The following NRXN3 variants were observed in gnomAD, a reference collection of about 807,000 sequenced individuals.
NRXN3 encodes the protein neurexin 3, also known as neurexin III.
NRXN3 carries 32 observed loss-of-function variants against 137.6 expected under a neutral mutation model. The observed-to-expected ratio is 0.23, with a 90% CI of 0.18 to 0.31. The LOEUF is 0.31. Ranked by LOEUF, NRXN3 falls within the 10% of genes least tolerant of loss-of-function variation. The pLI, the probability that NRXN3 is intolerant of heterozygous loss-of-function variation, is 1.00. For synonymous variants in NRXN3, 798 were observed against 784.5 expected (o/e 1.02, Z -0.29); for missense variants, 1,574 against 2,062.5 (o/e 0.76, Z 4.59).
intron 19 of NRXN3, among the ~76,000 whole-genome samples, chr14:79,800,208 A>T (rs753603895): frequency 6.6e-6 from 1 of 152,360 alleles, no homozygotes; most frequent in South Asian, 2.1e-4. Flanking sequence ...TGAAGATGAC[A>T]TTGAACGCAA....
At chr14:79,815,769 T>G (rs997813985) in intron 20 of NRXN3, among the ~76,000 whole-genome samples, 1 of 152,190 alleles carries the variant, frequency 6.6e-6, no homozygotes, top group Non-Finnish European at 1.5e-5. Context: ...ATGACAGCCC[T>G]AAACTCAGAA....
intron 15 of NRXN3, among the ~76,000 whole-genome samples, chr14:79,364,844 C>T (rs1256003424): frequency 6.6e-6 from 1 of 152,058 alleles, no homozygotes; most frequent in African/African-American, 2.4e-5. Context: ...ATGCAACTTG[C>T]TTAGGTTAAT....
chr14:78,808,952 T>A (rs1369144249), intron 9 of NRXN3, among the ~76,000 whole-genome samples: 1 of 151,420 alleles, frequency 6.6e-6, no homozygotes, highest in Non-Finnish European at 1.5e-5. Context: ...TCTTTCTTCC[T>A]TTAAAAAAAA....
intron 1 of NRXN3, among the ~76,000 whole-genome samples, chr14:78,175,849 A>G (rs1003888778): frequency 9.9e-5 from 15 of 152,222 alleles, no homozygotes; most frequent in African/African-American, 3.4e-4. Context: ...TTTCCAGCCC[A>G]TGACACTGTC....
chr14:78,364,328 A>G (rs945945381), intron 4 of NRXN3, among the ~76,000 whole-genome samples: 5 of 152,164 alleles, frequency 3.3e-5, no homozygotes, highest in Non-Finnish European at 7.3e-5. Context: ...ATTTTACTGT[A>G]TGCATAGCTG....
chr14:79,618,652 T>A (rs1269374096), intron 16 of NRXN3, among the ~76,000 whole-genome samples: 1 of 152,174 alleles, frequency 6.6e-6, no homozygotes, highest in Non-Finnish European at 1.5e-5. Context: ...AGTGCTGCAG[T>A]GAACATACAA....
At chr14:78,810,580 C>G (rs1432711913) in intron 10 of NRXN3, among the ~76,000 whole-genome samples, 1 of 151,822 alleles carries the variant, frequency 6.6e-6, no homozygotes, top group East Asian at 1.9e-4. Context: ...CTTGCATTTG[C>G]TCTATATGAA....
chr14:79,530,265 A>T (rs1248393721), intron 16 of NRXN3, among the ~76,000 whole-genome samples: 4 of 152,166 alleles, frequency 2.6e-5, no homozygotes, highest in Non-Finnish European at 4.4e-5. Context: ...GCGTGCACAT[A>T]GTCACATTTA....
intron 19 of NRXN3, among the ~76,000 whole-genome samples, chr14:79,735,456 T>C (rs1157838280): frequency 6.6e-6 from 1 of 152,186 alleles, no homozygotes; most frequent in Admixed American, 6.5e-5. Context: ...TTCCCGGGGT[T>C]GACATTAGCT....
chr14:79,479,002 G>T (rs1207877718), intron 16 of NRXN3, among the ~76,000 whole-genome samples: 1 of 152,044 alleles, frequency 6.6e-6, no homozygotes, highest in East Asian at 1.9e-4. Context: ...AAATCATACT[G>T]CAGTTTCCTA....
chr14:79,721,630 G>A lies in NRXN3; in HGVS notation c.4014+23693G>A, dbSNP rs573326184. Among the ~76,000 whole-genome samples, 6 of 152,222 alleles carry A rather than the reference G, an allele frequency of 3.9e-5. No individual in the cohort carries two copies. In the South Asian group the frequency reaches 1.2e-3, roughly 32 times the overall value. ...CTAAATACGTATAGGTTGGCTAAGT[G>A]CCAACTCAGAGAAAATGACATTATG... On this transcript the variant is annotated intron_variant, in intron 19 of 20. Coordinates refer to ENST00000335750, the MANE Select transcript of NRXN3 (RefSeq NM_001330195.2).
At chr14:79,746,443 A>G (rs748321522) in intron 19 of NRXN3, among the ~76,000 whole-genome samples, 1 of 152,120 alleles carries the variant, frequency 6.6e-6, no homozygotes, top group Non-Finnish European at 1.5e-5. Flanking sequence ...TCATCTACCC[A>G]TAACAAGTCT....
At chr14:78,717,096 G>A (rs1440044093) in intron 8 of NRXN3, among the ~76,000 whole-genome samples, 1 of 152,150 alleles carries the variant, frequency 6.6e-6, no homozygotes, top group Non-Finnish European at 1.5e-5. Flanking sequence ...TGTTGTCTAT[G>A]AAGACAGTAT....
intron 15 of NRXN3, among the ~76,000 whole-genome samples, chr14:79,085,774 G>A (rs1005989620): frequency 6.6e-6 from 1 of 152,146 alleles, no homozygotes; most frequent in Non-Finnish European, 1.5e-5. Context: ...AAATAAGTGA[G>A]TAACACACTT....
At chr14:78,464,430 A>G in intron 4 of NRXN3, among the ~76,000 whole-genome samples, 1 of 152,204 alleles carries the variant, frequency 6.6e-6, no homozygotes, top group East Asian at 1.9e-4. Flanking sequence ...GACTGAGAAA[A>G]GAAATAAAGA....
chr14:79,475,088 CTG>C (rs2153629491), intron 16 of NRXN3, among the ~76,000 whole-genome samples: 1 of 152,218 alleles, frequency 6.6e-6, no homozygotes, highest in African/African-American at 2.4e-5. Flanking sequence ...TACAGCCAGA[CTG>C]TGGGGAGCTA....
intron 4 of NRXN3, among the ~76,000 whole-genome samples, chr14:78,643,906 G>T (rs2097660232): frequency 6.6e-6 from 1 of 152,152 alleles, no homozygotes. Flanking sequence ...ACTTTGGGAG[G>T]CCAAGGCAGG....
intron 15 of NRXN3, among the ~76,000 whole-genome samples, chr14:79,299,699 A>G (rs1165725313): frequency 6.6e-6 from 1 of 152,100 alleles, no homozygotes; most frequent in Admixed American, 6.6e-5. Flanking sequence ...AACCTGTATC[A>G]TGATTATAAG....
intron 19 of NRXN3, among the ~76,000 whole-genome samples, chr14:79,758,462 A>C (rs2099027483): frequency 6.6e-6 from 1 of 152,148 alleles, no homozygotes; most frequent in Non-Finnish European, 1.5e-5. Flanking sequence ...AGATTTCATG[A>C]AAATAAAAGA....
Sources: allele counts gnomAD v4.1 joint callset (sites outside exome capture counted in the v4.1 genomes callset), GRCh38; gene constraint gnomAD v4.1.1; transcripts MANE v1.5; gene names NCBI Gene and HGNC (gene_info 2026-07-23, HGNC 2026-07-21).